The following RAB11A variants were observed in gnomAD, a reference collection of about 807,000 sequenced individuals.
RAB11A encodes ras-related protein Rab-11A.
A neutral mutation model predicts 28.0 loss-of-function variants in RAB11A; 9 were observed. The observed-to-expected ratio is 0.32, with a 90% CI of 0.19 to 0.56. The LOEUF is 0.56. Ranked by LOEUF, RAB11A falls within the 20% of genes least tolerant of loss-of-function variation. The pLI is 0.91. For missense variants in RAB11A, 108 were observed against 269.6 expected, an observed-to-expected ratio of 0.40 and a Z score of 4.20; for synonymous variants, 85 against 88.2, an observed-to-expected ratio of 0.96 and a Z score of 0.20.
intron 1 of RAB11A, 114 bp downstream of exon 1, chr15:65,869,739 C>T (rs959974129): frequency 3.5e-6 from 4 of 1,148,912 alleles, no homozygotes; most frequent in Non-Finnish European, 4.8e-6. Flanking sequence ...CTCAGCCCTT[C>T]CTTTTTGTGC....
In RAB11A at chr15:65,890,562, A is replaced by G. The variant is rs1039609300; in HGVS notation, c.*2722A>G. The stretch of plus-strand genomic sequence containing the variant: ...TACATCAGTGATCTTTTAAGTTCTG[A>G]AGGGTTCTGCAGAAAAGTTACACTT... On this transcript the variant is annotated 3_prime_UTR_variant, in exon 5 of 5. Coordinates refer to ENST00000261890, the MANE Select transcript of RAB11A (RefSeq NM_004663.5). 6 of 152,190 alleles carry G rather than the reference A, an allele frequency of 3.9e-5. No individual in the cohort carries two copies. Among genetic ancestry groups the G allele is most frequent in the Admixed American group, 1.3e-4 (2 of 15,276 alleles). The allele number at this position is 152,190 out of a possible 1,614,324, so 9.4% of individuals were successfully genotyped here. A position where few individuals can be genotyped will look rare whatever the true frequency, so the allele number is the denominator to read the frequency against.
chr15:65,870,699 A>C (rs2078155027), intron 1 of RAB11A, among the ~76,000 whole-genome samples: 2 of 152,200 alleles, frequency 1.3e-5, no homozygotes, highest in Non-Finnish European at 2.9e-5. Context: ...AGTTAGCCAC[A>C]TACCTTTCCC....
chr15:65,882,887 T>C (rs1338262422), intron 4 of RAB11A, among the ~76,000 whole-genome samples: 1 of 152,232 alleles, frequency 6.6e-6, no homozygotes, highest in East Asian at 1.9e-4. Context: ...ATTTCAAATT[T>C]AAAGAGGTTG....
chr15:65,869,660 T>A (rs1175259215), intron 1 of RAB11A, 35 bp downstream of exon 1: 1 of 1,595,088 alleles, frequency 6.3e-7, no homozygotes, highest in African/African-American at 1.3e-5. Context: ...TACACAGTCC[T>A]CGTTCGGGGA....
intron 1 of RAB11A, among the ~76,000 whole-genome samples, chr15:65,874,227 CTTT>C (rs1005009654): frequency 7.1e-6 from 1 of 141,226 alleles, no homozygotes. Context: ...TAGTTGATAA[CTTT>C]TTTTTTTTTT....
chr15:65,887,581 T>C, intron 4 of RAB11A, 120 bp from the exon 5 acceptor site: 1 of 924,946 alleles, frequency 1.1e-6, no homozygotes, highest in Non-Finnish European at 1.5e-6. Flanking sequence ...AATTTATGTA[T>C]TCTCTGTTCA....
At chr15:65,875,673 G>C (rs753777756) in intron 1 of RAB11A, among the ~76,000 whole-genome samples, 1 of 152,198 alleles carries the variant, frequency 6.6e-6, no homozygotes, top group Non-Finnish European at 1.5e-5. Context: ...GACTGAGAAA[G>C]CCAGAAAGAT....
intron 4 of RAB11A, among the ~76,000 whole-genome samples, chr15:65,884,224 A>G (rs983042424): frequency 3.3e-5 from 5 of 152,200 alleles, no homozygotes; most frequent in African/African-American, 1.2e-4. Flanking sequence ...GGAGGGTGCC[A>G]AGGCTAAAGA....
At chr15:65,873,875 C>G (rs1353949559) in intron 1 of RAB11A, among the ~76,000 whole-genome samples, 1 of 152,108 alleles carries the variant, frequency 6.6e-6, no homozygotes, top group African/African-American at 2.4e-5. Context: ...CAGGCATGAG[C>G]CACTGTGTCC....
At chr15:65,870,303 ACTCT>A (rs1037229122) in intron 1 of RAB11A, among the ~76,000 whole-genome samples, 1 of 151,634 alleles carries the variant, frequency 6.6e-6, no homozygotes, top group Non-Finnish European at 1.5e-5. Context: ...CCATTTGGCA[ACTCT>A]CTCTACCTTC....
At chr15:65,872,219 G>T (rs1260208091) in intron 1 of RAB11A, among the ~76,000 whole-genome samples, 3 of 151,994 alleles carry the variant, frequency 2.0e-5, no homozygotes, top group African/African-American at 7.3e-5. Flanking sequence ...CTCCCCAAGT[G>T]CTGGGATTAT....
At chr15:65,870,632 G>A (rs1430820073) in intron 1 of RAB11A, among the ~76,000 whole-genome samples, 1 of 152,186 alleles carries the variant, frequency 6.6e-6, no homozygotes, top group Non-Finnish European at 1.5e-5. Flanking sequence ...TTATCTCTAT[G>A]AACTGGTTGC....
intron 4 of RAB11A, among the ~76,000 whole-genome samples, chr15:65,884,038 G>T (rs2141107681): frequency 6.6e-6 from 1 of 152,220 alleles, no homozygotes; most frequent in South Asian, 2.1e-4. Flanking sequence ...CTTTTGTGGG[G>T]GAAGGGGAGT....
In RAB11A at chr15:65,891,414, T is replaced by TA; in HGVS notation, c.*3575dup. Reference sequence around the variant, plus strand: ...CAATATACTAGCATGTATTAGAAAATACGGTAAACTGTGGGTTAGAAGAGT... The same window carrying TA: ...CAATATACTAGCATGTATTAGAAAATAACGGTAAACTGTGGGTTAGAAGAGT... On this transcript the variant is annotated 3_prime_UTR_variant, in exon 5 of 5. Transcript: ENST00000261890. 1 of 152,198 alleles carries TA rather than the reference T, an allele frequency of 6.6e-6. No homozygotes were observed. The highest frequency in any genetic ancestry group is 1.5e-5 in the Non-Finnish European group (1 of 68,040). The allele number at this position is 152,198 out of a possible 1,614,324, so 9.4% of individuals were successfully genotyped here.
chr15:65,884,177 T>G (rs1264614723), intron 4 of RAB11A, among the ~76,000 whole-genome samples: 1 of 152,060 alleles, frequency 6.6e-6, no homozygotes, highest in Non-Finnish European at 1.5e-5. Context: ...TATGGAATCT[T>G]TATTTAGATT....
At chr15:65,882,434 A>C (rs538479773) in intron 4 of RAB11A, among the ~76,000 whole-genome samples, 3 of 152,200 alleles carry the variant, frequency 2.0e-5, no homozygotes, top group Non-Finnish European at 4.4e-5. Flanking sequence ...TTGTGTTTTG[A>C]TATTGCTGAA....
At position 65,889,118 on chromosome 15, in the gene RAB11A, C is replaced by T. The variant is rs895219259; in HGVS notation, c.*1278C>T. 1 of 152,582 alleles carries T rather than the reference C, an allele frequency of 6.6e-6. No homozygotes were observed. Among genetic ancestry groups the T allele is most frequent in the Non-Finnish European group, 1.5e-5 (1 of 68,012 alleles). 9.5% of individuals were successfully genotyped at this position (152,582 alleles called of 1,614,324 possible). ...TATTAAGCACTTACTCTGCAGTTTC[C>T]TGGAAGTTGTGTCAACTGCAGTGAT... On this transcript the variant is annotated 3_prime_UTR_variant, in exon 5 of 5. Coordinates refer to ENST00000261890, the MANE Select transcript of RAB11A (RefSeq NM_004663.5).
At chr15:65,884,154 A>G (rs1301658110) in intron 4 of RAB11A, among the ~76,000 whole-genome samples, 1 of 145,984 alleles carries the variant, frequency 6.9e-6, no homozygotes, top group Non-Finnish European at 1.5e-5. Flanking sequence ...ATTAAAATTA[A>G]AAAAAAAAAG....
chr15:65,881,877 TAAAAAAA>T (rs57352123), intron 4 of RAB11A, among the ~76,000 whole-genome samples: 1 of 86,402 alleles, frequency 1.2e-5, no homozygotes, highest in Middle Eastern at 7.4e-3. Context: ...ACCCTGTCTC[TAAAAAAA>T]AAAAAAAAAA....
Sources: gnomAD v4.1 joint callset for allele counts (sites outside exome capture counted in the v4.1 genomes callset) on GRCh38, gnomAD v4.1.1 for gene constraint, MANE v1.5 for transcripts, NCBI Gene and HGNC (gene_info 2026-07-23, HGNC 2026-07-21) for gene names.